Variants in VWDE observed in about 807,000 individuals in gnomAD.
The protein encoded by VWDE is von Willebrand factor D and EGF domain-containing protein.
VWDE carries 207 observed loss-of-function variants against 178.4 expected under a neutral mutation model. That is an observed-to-expected ratio of 1.16 (90% CI 1.04 to 1.30). The LOEUF is 1.30. VWDE is among the 50% of genes most tolerant of loss of function. VWDE has a pLI of 0.00. For synonymous variants in VWDE, 738 were observed against 651.4 expected, an observed-to-expected ratio of 1.13 and a Z score of -2.02; for missense variants, 2,287 against 1,901.3, an observed-to-expected ratio of 1.20 and a Z score of -3.77.
intron 1 of VWDE, among the ~76,000 whole-genome samples, chr7:12,399,670 T>C (rs988897395): frequency 2.0e-5 from 3 of 151,944 alleles, no homozygotes; most frequent in Non-Finnish European, 4.4e-5. Flanking sequence ...CGCTAGACAA[T>C]AAAACAAGCC....
chr7:12,363,525 C>T (rs1446731201), intron 13 of VWDE, among the ~76,000 whole-genome samples: 1 of 152,016 alleles, frequency 6.6e-6, no homozygotes, highest in South Asian at 2.1e-4. Flanking sequence ...TAGCTAAAGA[C>T]TTGCTTAAAA....
chr7:12,336,013 A>AT (rs934161793), intron 27 of VWDE, 128 bp downstream of exon 27: 14 of 769,546 alleles, frequency 1.8e-5, no homozygotes, highest in Non-Finnish European at 2.2e-5. Flanking sequence ...ATCTAAAATC[A>AT]TTTTTTAAAA....
intron 5 of VWDE, 105 bp downstream of exon 5, chr7:12,380,380 CT>C: frequency 7.1e-7 from 1 of 1,404,602 alleles, no homozygotes; most frequent in Non-Finnish European, 9.4e-7. Flanking sequence ...AATATTAGGG[CT>C]TTATACTCTG....
chr7:12,396,139 C>T (rs848003), intron 1 of VWDE, among the ~76,000 whole-genome samples: 98,506 of 151,940 alleles, frequency 0.65, 33,698 homozygotes, highest in African/African-American at 0.89. Context: ...AATAGATCCA[C>T]AGTGATAGCA....
intron 1 of VWDE, among the ~76,000 whole-genome samples, chr7:12,394,575 A>G (rs2128563029): frequency 6.6e-6 from 1 of 152,292 alleles, no homozygotes; most frequent in South Asian, 2.1e-4. Context: ...GCAGGCAGTG[A>G]AACAGTTATC....
chr7:12,371,882 A>G (rs80042226), intron 10 of VWDE, among the ~76,000 whole-genome samples: 5,251 of 152,212 alleles, frequency 0.034, 323 homozygotes, highest in African/African-American at 0.12. Context: ...TCATCTTACA[A>G]GGAAAGATAC....
intron 19 of VWDE, among the ~76,000 whole-genome samples, chr7:12,351,046 C>T (rs2128549926): frequency 6.6e-6 from 1 of 152,160 alleles, no homozygotes; most frequent in East Asian, 1.9e-4. Context: ...TTCCTATGTT[C>T]CAGGAATCAA....
intron 4 of VWDE, 141 bp from the exon 5 acceptor site, chr7:12,380,874 A>C: frequency 6.7e-6 from 7 of 1,042,680 alleles, no homozygotes; most frequent in Non-Finnish European, 8.1e-6. Context: ...TATTTCTAGC[A>C]ATCAACAAAG....
At chr7:12,372,641 T>G (rs561256804) in intron 10 of VWDE, among the ~76,000 whole-genome samples, 1 of 152,268 alleles carries the variant, frequency 6.6e-6, no homozygotes, top group South Asian at 2.1e-4. Flanking sequence ...CAAAAACTGG[T>G]TGATTATTCC....
intron 18 of VWDE, among the ~76,000 whole-genome samples, chr7:12,353,028 T>C (rs545737546): frequency 6.6e-6 from 1 of 152,314 alleles, no homozygotes; most frequent in African/African-American, 2.4e-5. Context: ...TTTCTGTGCA[T>C]CCAAACTGAA....
intron 6 of VWDE, among the ~76,000 whole-genome samples, chr7:12,378,715 C>G (rs192342136): frequency 3.5e-4 from 53 of 152,274 alleles, no homozygotes; most frequent in African/African-American, 1.2e-3. Flanking sequence ...TGTAGTTATG[C>G]AATTCTGACA....
intron 17 of VWDE, among the ~76,000 whole-genome samples, chr7:12,356,580 T>C (rs746835608): frequency 5.9e-5 from 9 of 152,156 alleles, no homozygotes; most frequent in Admixed American, 2.0e-4. Context: ...AAAAAAAAGT[T>C]ACAAGATGAT....
intron 3 of VWDE, among the ~76,000 whole-genome samples, chr7:12,388,560 T>C (rs1452225945): frequency 1.3e-5 from 2 of 152,188 alleles, no homozygotes; most frequent in African/African-American, 2.4e-5. Flanking sequence ...TACTCATACA[T>C]TTATAAAGTA....
chr7:12,343,167 G>T lies in VWDE; in HGVS notation c.4090C>A (p.Pro1364Thr). Residue 1364 changes from proline to threonine, a missense_variant, in exon 22 of 29, where the codon CCA (proline) becomes ACA (threonine). Pro to Thr is a conservative substitution (Grantham distance 38). Coordinates refer to ENST00000275358, the MANE Select transcript of VWDE (RefSeq NM_001135924.3). ...GATCDEEHCNPPCQHGGTCLA... is the reference protein window; with the variant it reads ...GATCDEEHCNTPCQHGGTCLA... ...CATGTGCCACCATGTTGACAAGGTG[G>T]GTTACAATGTTCTGCAGAAACAGAT... 1 of 1,547,994 alleles carries T rather than the reference G, an allele frequency of 6.5e-7. No individual in the cohort carries two copies.
At chr7:12,390,352 TTC>T (rs1784326928) in intron 2 of VWDE, among the ~76,000 whole-genome samples, 1 of 151,990 alleles carries the variant, frequency 6.6e-6, no homozygotes, top group Non-Finnish European at 1.5e-5. Flanking sequence ...CTCAACATCC[TTC>T]TCTTTTATAT....
At chr7:12,399,616 A>T (rs1278122001) in intron 1 of VWDE, among the ~76,000 whole-genome samples, 3 of 152,234 alleles carry the variant, frequency 2.0e-5, no homozygotes, top group African/African-American at 7.2e-5. Flanking sequence ...CAGAATATAA[A>T]TTTTCCCCAA....
At chr7:12,346,756 T>C (rs527684832) in intron 19 of VWDE, among the ~76,000 whole-genome samples, 1 of 152,242 alleles carries the variant, frequency 6.6e-6, no homozygotes, top group Admixed American at 6.5e-5. Context: ...GATACGTTTT[T>C]CTTGTTATGC....
intron 13 of VWDE, among the ~76,000 whole-genome samples, chr7:12,362,089 C>T (rs1030054241): frequency 3.9e-5 from 6 of 151,990 alleles, no homozygotes; most frequent in Admixed American, 1.3e-4. Context: ...CAGTTGGCCT[C>T]TGATGGCTTG....
At chr7:12,375,782 C>T (rs955540193) in intron 7 of VWDE, among the ~76,000 whole-genome samples, 1 of 152,014 alleles carries the variant, frequency 6.6e-6, no homozygotes, top group African/African-American at 2.4e-5. Context: ...CTTCTTTCAC[C>T]TCCCAAATGT....
Sources: gnomAD v4.1 joint callset for allele counts (sites outside exome capture counted in the v4.1 genomes callset) on GRCh38, gnomAD v4.1.1 for gene constraint, MANE v1.5 for transcripts, NCBI Gene and HGNC (gene_info 2026-07-23, HGNC 2026-07-21) for gene names.